The following LYPD6B variants were observed in gnomAD, a reference collection of about 807,000 sequenced individuals.
LYPD6B encodes the protein ly6/PLAUR domain-containing protein 6B.
In LYPD6B, 17 loss-of-function variants were observed where a neutral mutation model predicts 22.8. That is an observed-to-expected ratio of 0.75 (90% CI 0.51 to 1.12). The LOEUF is 1.12. Among genes scored for constraint, LYPD6B ranks in the 50% most tolerant of loss-of-function variants. The pLI, the probability that LYPD6B is intolerant of heterozygous loss-of-function variation, is 0.00. For missense variants in LYPD6B, 221 were observed against 258.3 expected (o/e 0.86, Z 0.99); for synonymous variants, 106 against 91.6 (o/e 1.16, Z -0.90).
chr2:149,157,359 A>C (rs757194376), intron 2 of LYPD6B, among the ~76,000 whole-genome samples: 3 of 151,592 alleles, frequency 2.0e-5, no homozygotes, highest in Non-Finnish European at 4.4e-5. Flanking sequence ...TTAATTCTCT[A>C]TAGTTTTCTA....
chr2:149,088,678 C>T (rs1474598207), intron 1 of LYPD6B, among the ~76,000 whole-genome samples: 1 of 152,168 alleles, frequency 6.6e-6, no homozygotes, highest in African/African-American at 2.4e-5. Flanking sequence ...ATTCTAAGCA[C>T]ATACAATAAC....
chr2:149,160,765 C>G lies in LYPD6B; in HGVS notation c.7C>G (p.Leu3Val), dbSNP rs760981736. The change falls in exon 3 of 7, where the codon CTG (leucine) becomes GTG (valine). Residue 3 changes from leucine (L) to valine (V), a missense_variant and splice_region_variant. By Grantham distance (32) the Leu-to-Val change is conservative. Transcript: ENST00000409642. MLLITLSANLFTV... is the reference protein window; with the variant it reads MLVITLSANLFTV... ...CTTATCTTTTTTTATCTCTGGTAGG[C>G]TGATTACTCTGAGTGCAAACCTTTT... The G allele has an allele frequency of 1.3e-6, 2 of 1,552,408 alleles. No individual in the cohort carries two copies. The highest frequency in any genetic ancestry group is 2.4e-5 in the South Asian group (2 of 84,236).
intron 1 of LYPD6B, among the ~76,000 whole-genome samples, chr2:149,044,957 C>G (rs1232014399): frequency 1.3e-5 from 2 of 151,984 alleles, no homozygotes; most frequent in Non-Finnish European, 2.9e-5. Context: ...ATAAATTCCA[C>G]TTGGTTGTAA....
At chr2:149,041,113 A>G (rs1023272475) in intron 1 of LYPD6B, among the ~76,000 whole-genome samples, 1 of 151,982 alleles carries the variant, frequency 6.6e-6, no homozygotes, top group Non-Finnish European at 1.5e-5. Flanking sequence ...AAAAAAAAAA[A>G]AAAAAGAAAA....
At chr2:149,068,633 AT>A (rs1684451621) in intron 1 of LYPD6B, 8 of 508,054 alleles carry the variant, frequency 1.6e-5, no homozygotes, top group Non-Finnish European at 3.2e-5. Context: ...TTTCCTTATT[AT>A]TATAGCTCCA....
intron 1 of LYPD6B, among the ~76,000 whole-genome samples, chr2:149,060,140 G>T (rs1202707740): frequency 6.6e-6 from 1 of 152,102 alleles, no homozygotes; most frequent in East Asian, 1.9e-4. Flanking sequence ...TATCCAGAGG[G>T]CATGGGAACC....
intron 3 of LYPD6B, among the ~76,000 whole-genome samples, chr2:149,186,678 C>T (rs1692128841): frequency 6.6e-6 from 1 of 152,190 alleles, no homozygotes; most frequent in South Asian, 2.1e-4. Context: ...GATCATGGCT[C>T]ACAGCAGCCT....
rs1171010677 is a variant in LYPD6B at position 149,208,361 on chromosome 2, G to A, written c.277G>A (p.Gly93Arg). 1.2e-6 allele frequency: 2 copies of A among 1,613,664 alleles called. No individual in the cohort carries two copies. The highest frequency in any genetic ancestry group is 1.7e-6 in the Non-Finnish European group (2 of 1,179,738). The change falls in exon 5 of 7, where the codon GGG becomes AGG. Residue 93 changes from glycine (G) to arginine (R), a missense_variant. Transcript: ENST00000409642. ...SFKCFTCENA[G>R]DNYNCNRWAE... ...CAAGTGCTTTACTTGTGAAAACGCAGGGGATAATTATAACTGCAATCGATG... is the reference window on the plus strand; with the variant it reads ...CAAGTGCTTTACTTGTGAAAACGCAAGGGATAATTATAACTGCAATCGATG...
chr2:149,120,298 C>T (rs895534251), intron 1 of LYPD6B, among the ~76,000 whole-genome samples: 5 of 123,658 alleles, frequency 4.0e-5, no homozygotes, highest in Admixed American at 1.7e-4. Context: ...TGTATATACA[C>T]ATATATATAT....
chr2:149,055,168 GT>G (rs1461068815), intron 1 of LYPD6B, among the ~76,000 whole-genome samples: 1 of 152,154 alleles, frequency 6.6e-6, no homozygotes, highest in Non-Finnish European at 1.5e-5. Flanking sequence ...CCATTGAATT[GT>G]TTTGGCAACC....
At chr2:149,072,560 AC>A (rs1684672418) in intron 1 of LYPD6B, among the ~76,000 whole-genome samples, 1 of 88,004 alleles carries the variant, frequency 1.1e-5, no homozygotes. Context: ...TTTTTGAGAC[AC>A]AGTTTCACTC....
At chr2:149,179,756 G>A (rs1293732848) in intron 3 of LYPD6B, among the ~76,000 whole-genome samples, 2 of 152,190 alleles carry the variant, frequency 1.3e-5, no homozygotes, top group African/African-American at 4.8e-5. Flanking sequence ...CCCTGCCAGC[G>A]GAAAGCTTAC....
At chr2:149,107,183 G>A (rs781722232) in intron 1 of LYPD6B, among the ~76,000 whole-genome samples, 1 of 152,226 alleles carries the variant, frequency 6.6e-6, no homozygotes, top group Non-Finnish European at 1.5e-5. Flanking sequence ...TTCTTGTGAT[G>A]ATGTGAGGTG....
At chr2:149,085,822 G>A (rs1020271815) in intron 1 of LYPD6B, among the ~76,000 whole-genome samples, 7 of 152,242 alleles carry the variant, frequency 4.6e-5, no homozygotes, top group East Asian at 3.9e-4. Flanking sequence ...GATTTGAAGC[G>A]TTATCCTTTC....
At chr2:149,197,199 G>A (rs931264454) in intron 3 of LYPD6B, among the ~76,000 whole-genome samples, 1 of 152,166 alleles carries the variant, frequency 6.6e-6, no homozygotes, top group Non-Finnish European at 1.5e-5. Context: ...ACCTTTCCAT[G>A]TTATGTCCTT....
At chr2:149,047,109 A>T (rs1683343387) in intron 1 of LYPD6B, among the ~76,000 whole-genome samples, 1 of 152,240 alleles carries the variant, frequency 6.6e-6, no homozygotes, top group South Asian at 2.1e-4. Flanking sequence ...TAAAATTAAG[A>T]GAAAAAATAA....
intron 1 of LYPD6B, among the ~76,000 whole-genome samples, chr2:149,045,750 G>A (rs1683278184): frequency 6.6e-6 from 1 of 151,932 alleles, no homozygotes; most frequent in South Asian, 2.1e-4. Context: ...TATTATCCTA[G>A]AATATGACTT....
At chr2:149,144,630 C>T (rs1053216833) in intron 2 of LYPD6B, among the ~76,000 whole-genome samples, 1 of 152,038 alleles carries the variant, frequency 6.6e-6, no homozygotes, top group African/African-American at 2.4e-5. Context: ...GGGCTCAAGT[C>T]ATCCGCCCAC....
At chr2:149,105,675 G>A (rs1686438469) in intron 1 of LYPD6B, among the ~76,000 whole-genome samples, 1 of 152,060 alleles carries the variant, frequency 6.6e-6, no homozygotes, top group African/African-American at 2.4e-5. Context: ...ACTGACTAAA[G>A]TCATTTAGTA....
Sources: gnomAD v4.1 joint callset for allele counts (sites outside exome capture counted in the v4.1 genomes callset) on GRCh38, gnomAD v4.1.1 for gene constraint, MANE v1.5 for transcripts, NCBI Gene and HGNC (gene_info 2026-07-23, HGNC 2026-07-21) for gene names.